Variants in CSMD1 observed in about 807,000 individuals in gnomAD.
The protein encoded by CSMD1 is CUB and sushi domain-containing protein 1.
In CSMD1, 213 loss-of-function variants were observed where a neutral mutation model predicts 417.5. The observed-to-expected ratio is 0.51, with a 90% CI of 0.46 to 0.57. CSMD1 has a LOEUF of 0.57. Ranked by LOEUF, CSMD1 falls within the 20% of genes least tolerant of loss-of-function variation. CSMD1 has a pLI of 0.00. For synonymous variants in CSMD1, 2,862 were observed against 1,736.8 expected, an observed-to-expected ratio of 1.65 and a Z score of -16.11; for missense variants, 6,923 against 4,529.7, an observed-to-expected ratio of 1.53 and a Z score of -15.17.
At chr8:4,726,582 C>T (rs544617013) in intron 1 of CSMD1, among the ~76,000 whole-genome samples, 14 of 152,206 alleles carry the variant, frequency 9.2e-5, no homozygotes, top group Admixed American at 4.6e-4. Context: ...ACAGGTGAGA[C>T]GTCTAGGGCC....
chr8:3,345,041 G>A (rs912142004), intron 22 of CSMD1, among the ~76,000 whole-genome samples: 3 of 152,112 alleles, frequency 2.0e-5, no homozygotes, highest in Non-Finnish European at 4.4e-5. Flanking sequence ...AAAGGTGCAG[G>A]TCTCCCTAGG....
chr8:4,777,238 C>A (rs1796900677), intron 1 of CSMD1, among the ~76,000 whole-genome samples: 1 of 152,142 alleles, frequency 6.6e-6, no homozygotes, highest in African/African-American at 2.4e-5. Context: ...AGCAGAGCAT[C>A]CTCTCTGAAG....
Position 3,307,837 on chromosome 8 carries a change from A to G in CSMD1, c.3824-16T>C, listed in dbSNP as rs1240839459. The G allele has an allele frequency of 6.2e-7, 1 of 1,606,868 alleles. No individual in the cohort carries two copies. Among genetic ancestry groups the G allele is most frequent in the South Asian group, 1.1e-5 (1 of 89,204 alleles). On this transcript the variant is annotated splice_polypyrimidine_tract_variant and intron_variant, in intron 24 of 69. Transcript: ENST00000635120. ...CCACATTCCGCTGTAGAAGACACAG[A>G]GAGATGGGAACGTTCAGCTTCAGGC...
intron 1 of CSMD1, among the ~76,000 whole-genome samples, chr8:4,835,594 T>C (rs895710938): frequency 6.6e-6 from 1 of 152,206 alleles, no homozygotes; most frequent in African/African-American, 2.4e-5. Context: ...ACACAAATTT[T>C]ATCTACATTT....
chr8:3,612,289 G>A (rs1489349889), intron 8 of CSMD1, among the ~76,000 whole-genome samples: 3 of 152,062 alleles, frequency 2.0e-5, no homozygotes, highest in Non-Finnish European at 4.4e-5. Context: ...TAATTACAGA[G>A]CTTCAAAATA....
intron 5 of CSMD1, among the ~76,000 whole-genome samples, chr8:3,862,050 A>G (rs1323586581): frequency 6.6e-6 from 1 of 152,194 alleles, no homozygotes; most frequent in Non-Finnish European, 1.5e-5. Flanking sequence ...TTGCTAAATC[A>G]AAGTTTTCTC....
chr8:3,575,161 T>C, intron 9 of CSMD1, 95 bp from the exon 10 acceptor site: 1 of 1,149,844 alleles, frequency 8.7e-7, no homozygotes. Flanking sequence ...AGCTATTATC[T>C]AATCACAGTA....
intron 3 of CSMD1, among the ~76,000 whole-genome samples, chr8:4,388,780 C>G (rs890889961): frequency 1.3e-5 from 2 of 152,200 alleles, no homozygotes; most frequent in African/African-American, 4.8e-5. Flanking sequence ...TCTGTGTATT[C>G]AGTCCTTGAT....
intron 1 of CSMD1, among the ~76,000 whole-genome samples, chr8:4,993,101 C>T (rs565711808): frequency 1.9e-4 from 29 of 152,298 alleles, no homozygotes; most frequent in African/African-American, 7.0e-4. Context: ...ATCACTCTTC[C>T]ATCTGGACCA....
Position 4,538,689 on chromosome 8 carries a change from C to A in CSMD1, c.302+98653G>T, listed in dbSNP as rs1043317544. Among the ~76,000 whole-genome samples the A allele has an allele frequency of 6.3e-4, 96 of 152,142 alleles. 1 individual carries two copies. The highest frequency in any genetic ancestry group is 2.3e-3 in the African/African-American group (95 of 41,520). ...AAATATAATAAAATAAAATGTAGTA[C>A]CAACCTGGATAAGACACTTGTCATA... On this transcript the variant is annotated intron_variant, in intron 2 of 69. Transcript: ENST00000635120.
At position 3,812,650 on chromosome 8, in the gene CSMD1, G is replaced by C. The variant is rs548782302; in HGVS notation, c.819-58608C>G. The stretch of plus-strand genomic sequence containing the variant: ...CTGACAAATCTGTATCCTAGCCACA[G>C]TAAAGAGGAATTAAGGAAGAGATTG... On this transcript the variant is annotated intron_variant, in intron 5 of 69. Coordinates refer to ENST00000635120, the MANE Select transcript of CSMD1 (RefSeq NM_033225.6). Among the ~76,000 whole-genome samples, 5 of 152,298 alleles carry C rather than the reference G, an allele frequency of 3.3e-5. No individual in the cohort carries two copies. The East Asian group carries it at 7.7e-4, about 23-fold the overall frequency.
chr8:4,590,286 T>C (rs911968149), intron 2 of CSMD1, among the ~76,000 whole-genome samples: 8 of 152,076 alleles, frequency 5.3e-5, no homozygotes, highest in Admixed American at 2.0e-4. Context: ...GACAGAAAAG[T>C]TCTGGGAAGC....
chr8:3,054,129 T>A (rs2128990467), intron 49 of CSMD1, among the ~76,000 whole-genome samples: 2 of 152,324 alleles, frequency 1.3e-5, no homozygotes, highest in Middle Eastern at 6.8e-3. Flanking sequence ...AAGCACAGGT[T>A]ATCTCCGGTA....
At chr8:3,859,428 T>A (rs944588725) in intron 5 of CSMD1, among the ~76,000 whole-genome samples, 11 of 152,338 alleles carry the variant, frequency 7.2e-5, no homozygotes, top group African/African-American at 2.4e-4. Flanking sequence ...GTAAAGAATT[T>A]GGCTCCAACC....
chr8:3,288,521 G>C (rs1291199888), intron 25 of CSMD1, among the ~76,000 whole-genome samples: 1 of 147,240 alleles, frequency 6.8e-6, no homozygotes, highest in Admixed American at 6.7e-5. Flanking sequence ...TCCTGGTTTA[G>C]TCTTGGCAGG....
At chr8:4,432,802 T>C (rs1240417419) in intron 2 of CSMD1, among the ~76,000 whole-genome samples, 1 of 152,202 alleles carries the variant, frequency 6.6e-6, no homozygotes, top group Non-Finnish European at 1.5e-5. Flanking sequence ...GGTTATTGAT[T>C]AGAAACCAAC....
chr8:4,596,489 TTATG>T (rs1800284230), intron 2 of CSMD1, among the ~76,000 whole-genome samples: 1 of 152,186 alleles, frequency 6.6e-6, no homozygotes, highest in South Asian at 2.1e-4. Context: ...ACTTAAAATT[TTATG>T]TATAACACAC....
At chr8:3,172,181 T>C (rs1451397634) in intron 37 of CSMD1, among the ~76,000 whole-genome samples, 1 of 152,214 alleles carries the variant, frequency 6.6e-6, no homozygotes, top group Admixed American at 6.5e-5. Flanking sequence ...GCCCCCTTTT[T>C]CAACCTTCTT....
intron 3 of CSMD1, among the ~76,000 whole-genome samples, chr8:4,332,730 G>C (rs190960581): frequency 4.4e-4 from 67 of 152,056 alleles, no homozygotes; most frequent in African/African-American, 1.5e-3. Context: ...TTTTCAGTGT[G>C]AGTTACCATT....
Sources: gnomAD v4.1 joint callset for allele counts (sites outside exome capture counted in the v4.1 genomes callset) on GRCh38, gnomAD v4.1.1 for gene constraint, MANE v1.5 for transcripts, NCBI Gene and HGNC (gene_info 2026-07-23, HGNC 2026-07-21) for gene names.